The following PATJ variants were observed in gnomAD, a reference collection of about 807,000 sequenced individuals.
PATJ encodes inaD-like protein.
In PATJ, 190 loss-of-function variants were observed where a neutral mutation model predicts 224.9. The observed-to-expected ratio is 0.84, with a 90% CI of 0.75 to 0.95. The LOEUF (loss-of-function observed/expected upper bound fraction) is 0.95, where lower values mean the gene tolerates loss of function less well. Ranked by LOEUF, PATJ falls within the 40% of genes least tolerant of loss-of-function variation. The probability of loss-of-function intolerance (pLI) is 0.00; values close to 1 mark genes in which losing one functional copy is unlikely to be tolerated. For missense variants in PATJ, 2,121 were observed against 2,270.3 expected, an observed-to-expected ratio of 0.93 and a Z score of 1.34; for synonymous variants, 769 against 820.3, an observed-to-expected ratio of 0.94 and a Z score of 1.07.
intron 27 of PATJ, among the ~76,000 whole-genome samples, chr1:61,974,391 C>G (rs1644001632): frequency 1.4e-5 from 2 of 140,232 alleles, no homozygotes; most frequent in African/African-American, 2.9e-5. Flanking sequence ...ACCCCCATCT[C>G]TCTCTCTCTC....
chr1:61,895,671 A>C (rs1187418463), intron 22 of PATJ, among the ~76,000 whole-genome samples: 1 of 152,232 alleles, frequency 6.6e-6, no homozygotes, highest in Non-Finnish European at 1.5e-5. Flanking sequence ...ACTCGGGCAG[A>C]GCCCTCATGG....
intron 29 of PATJ, among the ~76,000 whole-genome samples, chr1:62,034,855 A>G (rs1487713884): frequency 6.6e-6 from 1 of 152,324 alleles, no homozygotes; most frequent in East Asian, 1.9e-4. Context: ...AACTTGGCCA[A>G]TTTGAGCTAA....
At chr1:62,138,071 C>T (rs1056731965) in intron 41 of PATJ, among the ~76,000 whole-genome samples, 2 of 152,112 alleles carry the variant, frequency 1.3e-5, no homozygotes, top group Non-Finnish European at 2.9e-5. Flanking sequence ...CACCTCAGGT[C>T]GGCAATTACT....
chr1:62,113,514 CA>C (rs1664097821), intron 34 of PATJ, among the ~76,000 whole-genome samples: 1 of 152,138 alleles, frequency 6.6e-6, no homozygotes, highest in African/African-American at 2.4e-5. Flanking sequence ...CACACACATG[CA>C]GTCCCAGAAA....
intron 14 of PATJ, 110 bp from the exon 15 acceptor site, chr1:61,822,835 T>A: frequency 8.0e-7 from 1 of 1,256,936 alleles, no homozygotes; most frequent in South Asian, 1.5e-5. Context: ...AGGATTTTGG[T>A]GATCTAATTC....
chr1:62,136,174 A>G (rs1380372073), intron 41 of PATJ, among the ~76,000 whole-genome samples: 2 of 151,826 alleles, frequency 1.3e-5, no homozygotes, highest in African/African-American at 4.8e-5. Flanking sequence ...CTGGGATTAC[A>G]GGCTCACACC....
chr1:62,064,165 A>G (rs1467826250), intron 31 of PATJ, among the ~76,000 whole-genome samples: 1 of 152,198 alleles, frequency 6.6e-6, no homozygotes, highest in Non-Finnish European at 1.5e-5. Context: ...ATTTTGAGGT[A>G]CGTTCCTACA....
At chr1:61,898,953 A>ATT (rs35895958) in intron 22 of PATJ, among the ~76,000 whole-genome samples, 2 of 150,418 alleles carry the variant, frequency 1.3e-5, no homozygotes, top group Non-Finnish European at 3.0e-5. Flanking sequence ...TGCACAGCTG[A>ATT]TTTTTTTTTT....
intron 16 of PATJ, among the ~76,000 whole-genome samples, chr1:61,828,940 T>C (rs1015574307): frequency 6.6e-6 from 1 of 152,210 alleles, no homozygotes; most frequent in African/African-American, 2.4e-5. Context: ...ATGGTGATAC[T>C]TATCATACTT....
intron 18 of PATJ, 36 bp downstream of exon 18, chr1:61,856,275 A>G (rs1273225814): frequency 6.6e-7 from 1 of 1,511,344 alleles, no homozygotes; most frequent in African/African-American, 1.4e-5. Context: ...GGAAGTGATA[A>G]TAGTGCAACA....
intron 41 of PATJ, among the ~76,000 whole-genome samples, chr1:62,141,674 C>CA (rs11322309): frequency 0.031 from 4,302 of 137,098 alleles, 85 homozygotes; most frequent in East Asian, 0.086. Flanking sequence ...GACTCTGTCT[C>CA]AAAAAAAAAA....
At chr1:62,094,688 C>A (rs960347193) in intron 33 of PATJ, among the ~76,000 whole-genome samples, 1 of 151,850 alleles carries the variant, frequency 6.6e-6, no homozygotes, top group African/African-American at 2.4e-5. Context: ...TTATTTATTG[C>A]TGTTATAATG....
At chr1:61,955,004 CG>C (rs1680246903) in intron 27 of PATJ, among the ~76,000 whole-genome samples, 1 of 152,140 alleles carries the variant, frequency 6.6e-6, no homozygotes, top group Admixed American at 6.5e-5. Flanking sequence ...CCTCCAGCCT[CG>C]GCCTCCCAAA....
At chr1:62,077,686 CAAAA>C (rs11439364) in intron 31 of PATJ, among the ~76,000 whole-genome samples, 18 of 89,146 alleles carry the variant, frequency 2.0e-4, no homozygotes, top group African/African-American at 6.2e-4. Context: ...AGACCCTGTC[CAAAA>C]AAAAAAAAAA....
At chr1:61,992,480 C>A (rs1186082690) in intron 28 of PATJ, among the ~76,000 whole-genome samples, 2 of 152,218 alleles carry the variant, frequency 1.3e-5, no homozygotes, top group Admixed American at 6.5e-5. Flanking sequence ...ATTTTTGATG[C>A]TTTAGTCTTC....
chr1:61,940,815 T>A (rs1365589298), intron 27 of PATJ, among the ~76,000 whole-genome samples: 2 of 152,118 alleles, frequency 1.3e-5, no homozygotes, highest in African/African-American at 4.8e-5. Context: ...TTTATTTAAA[T>A]TTTGGAAGTC....
chr1:61,792,740 G>A (rs2148517487), intron 9 of PATJ, among the ~76,000 whole-genome samples: 1 of 152,210 alleles, frequency 6.6e-6, no homozygotes, highest in Admixed American at 6.5e-5. Flanking sequence ...ATGTTGGCCA[G>A]GGTGGTCTCA....
intron 27 of PATJ, among the ~76,000 whole-genome samples, chr1:61,929,404 C>A (rs919610025): frequency 6.7e-6 from 1 of 149,168 alleles, no homozygotes; most frequent in Non-Finnish European, 1.5e-5. Flanking sequence ...TATCTTATAA[C>A]CTGCCTCATA....
At chr1:62,130,712 A>G (rs13375102) in intron 41 of PATJ, among the ~76,000 whole-genome samples, 7,118 of 151,956 alleles carry the variant, frequency 0.047, 323 homozygotes, top group African/African-American at 0.11. Flanking sequence ...TTAGCCGGGC[A>G]TGGTGGCGGG....
Sources: gnomAD v4.1 joint callset for allele counts (sites outside exome capture counted in the v4.1 genomes callset) on GRCh38, gnomAD v4.1.1 for gene constraint, MANE v1.5 for transcripts, NCBI Gene and HGNC (gene_info 2026-07-23, HGNC 2026-07-21) for gene names.